PPARGC1A: variants seen among roughly 807,000 people sequenced by gnomAD.
PPARGC1A encodes peroxisome proliferator-activated receptor gamma coactivator 1-alpha.
A neutral mutation model predicts 88.7 loss-of-function variants in PPARGC1A; 25 were observed. That is an observed-to-expected ratio of 0.28 (90% CI 0.21 to 0.39). The LOEUF (loss-of-function observed/expected upper bound fraction) is 0.39. PPARGC1A is among the 10% of genes least tolerant of loss of function. The pLI is 1.00. For missense variants in PPARGC1A, 880 were observed against 968.7 expected (o/e 0.91, Z 1.22); for synonymous variants, 363 against 355.6 (o/e 1.02, Z -0.24).
the PPARGC1A span, among the ~76,000 whole-genome samples, chr4:24,200,575 C>A: frequency 1.5e-5 from 2 of 132,486 alleles, no homozygotes; most frequent in Non-Finnish European, 3.1e-5. Flanking sequence ...GCAGTTACCT[C>A]TGAGATATGA....
the PPARGC1A span, among the ~76,000 whole-genome samples, chr4:24,299,377 T>C: frequency 1.3e-5 from 2 of 152,286 alleles, no homozygotes; most frequent in African/African-American, 4.8e-5. Flanking sequence ...TAAAAGTCTA[T>C]GTCTTGTGCA....
intron 2 of PPARGC1A, among the ~76,000 whole-genome samples, chr4:23,853,424 T>C (rs1729659456): frequency 6.6e-6 from 1 of 151,102 alleles, no homozygotes; most frequent in South Asian, 2.1e-4. Flanking sequence ...AAGTTACATC[T>C]GCTATGTTAC....
the PPARGC1A span, among the ~76,000 whole-genome samples, chr4:24,128,977 G>A: frequency 1.3e-5 from 2 of 152,190 alleles, no homozygotes; most frequent in Non-Finnish European, 2.9e-5. Flanking sequence ...AAACTTCACC[G>A]GGAAGAGCAG....
chr4:24,017,091 A>G, the PPARGC1A span, among the ~76,000 whole-genome samples: 3 of 152,162 alleles, frequency 2.0e-5, no homozygotes, highest in Non-Finnish European at 1.5e-5. Context: ...TGTATTGGAG[A>G]GCGTGGGCAG....
At chr4:23,856,635 T>C (rs1730238956) in intron 2 of PPARGC1A, among the ~76,000 whole-genome samples, 3 of 152,184 alleles carry the variant, frequency 2.0e-5, no homozygotes, top group Admixed American at 2.0e-4. Context: ...AATTTGGTCA[T>C]TTCTCCAACA....
chr4:24,343,389 G>A, the PPARGC1A span, among the ~76,000 whole-genome samples: 97 of 152,278 alleles, frequency 6.4e-4, 1 homozygote, highest in Middle Eastern at 6.8e-3. Context: ...TTGAGTAGGA[G>A]TGAGTTTCCT....
At chr4:24,305,075 C>T in the PPARGC1A span, among the ~76,000 whole-genome samples, 1 of 150,454 alleles carries the variant, frequency 6.6e-6, no homozygotes, top group African/African-American at 2.5e-5. Flanking sequence ...AGATAATATA[C>T]ATAAGAATGG....
At chr4:24,064,148 A>G in the PPARGC1A span, among the ~76,000 whole-genome samples, 1 of 152,132 alleles carries the variant, frequency 6.6e-6, no homozygotes, top group Non-Finnish European at 1.5e-5. Flanking sequence ...CAGGCCTCTG[A>G]CCAGAAATGA....
At chr4:24,448,979 C>T in the PPARGC1A span, among the ~76,000 whole-genome samples, 117 of 152,236 alleles carry the variant, frequency 7.7e-4, no homozygotes, top group African/African-American at 2.7e-3. Flanking sequence ...ATTATAGTTC[C>T]CCTTAACTGC....
the PPARGC1A span, among the ~76,000 whole-genome samples, chr4:24,153,678 T>A: frequency 6.6e-6 from 1 of 152,230 alleles, no homozygotes; most frequent in Non-Finnish European, 1.5e-5. Flanking sequence ...ATGTTCTTCA[T>A]TCACATGAAA....
rs892059893 is a variant in PPARGC1A at position 23,854,444 on chromosome 4, A to T, written c.235-22693T>A. Among the ~76,000 whole-genome samples, 4 of 152,310 alleles carry T rather than the reference A, an allele frequency of 2.6e-5. No homozygotes were observed. The East Asian group carries it at 7.7e-4, about 29-fold the overall frequency. ...CACATCATCAGCACATCCAGACTTC[A>T]TATAAAATTTGATTATGGTCCTATC... On this transcript the variant is annotated intron_variant, in intron 2 of 12. Coordinates refer to ENST00000264867, the MANE Select transcript of PPARGC1A (RefSeq NM_013261.5).
the PPARGC1A span, among the ~76,000 whole-genome samples, chr4:24,452,250 C>T: frequency 1.4e-4 from 20 of 145,924 alleles, 1 homozygote; most frequent in African/African-American, 4.8e-4. Flanking sequence ...GCCTGCCCCA[C>T]CCCCCCACAC....
At chr4:24,390,163 T>C in the PPARGC1A span, among the ~76,000 whole-genome samples, 9 of 152,066 alleles carry the variant, frequency 5.9e-5, no homozygotes, top group Non-Finnish European at 1.2e-4. Flanking sequence ...TCATGAAATA[T>C]GATTATTCCC....
intron 12 of PPARGC1A, among the ~76,000 whole-genome samples, chr4:23,798,184 G>A (rs1034076926): frequency 6.6e-6 from 1 of 152,058 alleles, no homozygotes; most frequent in East Asian, 1.9e-4. Context: ...GCACCCAGGT[G>A]AAATAAACAG....
upstream of PPARGC1A, chr4:23,904,022 C>T: frequency 1.0e-6 from 1 of 979,122 alleles, no homozygotes; most frequent in Non-Finnish European, 1.2e-6. Flanking sequence ...AGATGATAAC[C>T]CCAACATGTG....
the PPARGC1A span, among the ~76,000 whole-genome samples, chr4:24,238,445 G>A: frequency 2.6e-5 from 4 of 152,146 alleles, no homozygotes; most frequent in Admixed American, 1.3e-4. Context: ...AGCCACTCAC[G>A]GAGTTATGCT....
intron 2 of PPARGC1A, among the ~76,000 whole-genome samples, chr4:23,874,577 T>G (rs1714302989): frequency 6.6e-6 from 1 of 151,522 alleles, no homozygotes; most frequent in Admixed American, 6.6e-5. Flanking sequence ...AAAAAGGATA[T>G]GAGAGAGTGT....
the PPARGC1A span, among the ~76,000 whole-genome samples, chr4:23,958,305 T>A: frequency 6.6e-6 from 1 of 152,150 alleles, no homozygotes; most frequent in Non-Finnish European, 1.5e-5. Context: ...ATGAAACAAT[T>A]TGAAATCCTT....
rs1716801276 is a variant in PPARGC1A, at chr4:23,792,465, A to G, written c.*3357T>C. 1 of 152,442 alleles carries G rather than the reference A, an allele frequency of 6.6e-6. No individual in the cohort carries two copies. The highest frequency in any genetic ancestry group is 6.6e-5 in the Admixed American group (1 of 15,226). The allele number at this position is 152,442 out of a possible 1,614,324, so 9.4% of individuals were successfully genotyped here. ...GGCATGAAAAGGTTTCCTTTTATCA[A>G]CTGACCCAAACATCATACCCCAATA... On this transcript the variant is annotated 3_prime_UTR_variant, in exon 13 of 13. Coordinates refer to ENST00000264867, the MANE Select transcript of PPARGC1A (RefSeq NM_013261.5).
Sources: allele counts gnomAD v4.1 joint callset (sites outside exome capture counted in the v4.1 genomes callset), GRCh38; gene constraint gnomAD v4.1.1; transcripts MANE v1.5; gene names NCBI Gene and HGNC (gene_info 2026-07-23, HGNC 2026-07-21).